THOC7: variants seen among roughly 807,000 people sequenced by gnomAD.
THOC7 encodes the protein NIF3L1-binding protein 1.
A neutral mutation model predicts 33.1 loss-of-function variants in THOC7; 22 were observed. That is an observed-to-expected ratio of 0.66 (90% CI 0.47 to 0.95). THOC7 has a LOEUF of 0.95. THOC7 is among the 40% of genes least tolerant of loss of function. THOC7 has a pLI of 0.00. For missense variants in THOC7, 184 were observed against 245.3 expected (o/e 0.75, Z 1.67); for synonymous variants, 77 against 76.8 (o/e 1.00, Z -0.01).
chr3:63,842,286 G>C (rs1301226433), intron 1 of THOC7, among the ~76,000 whole-genome samples: 3 of 152,088 alleles, frequency 2.0e-5, no homozygotes, highest in Admixed American at 6.6e-5. Flanking sequence ...CACTGAGAGA[G>C]GCTATTATCA....
At chr3:63,863,391 C>A (rs1400245321) in intron 1 of THOC7, 1 of 1,019,210 alleles carries the variant, frequency 9.8e-7, no homozygotes. Context: ...GGGTCCTCAC[C>A]GCGCCCCTAG....
At chr3:63,844,647 T>A (rs570712630) in intron 1 of THOC7, among the ~76,000 whole-genome samples, 5 of 152,302 alleles carry the variant, frequency 3.3e-5, no homozygotes, top group African/African-American at 9.6e-5. Flanking sequence ...AGGTTAGTAA[T>A]CTCGGAGTGA....
intron 1 of THOC7, among the ~76,000 whole-genome samples, chr3:63,853,021 C>T (rs765920951): frequency 3.9e-5 from 6 of 151,984 alleles, no homozygotes; most frequent in African/African-American, 9.7e-5. Context: ...CGTGGTGGCA[C>T]GCACCTGTAA....
At chr3:63,851,202 G>T (rs1414525575) in intron 1 of THOC7, among the ~76,000 whole-genome samples, 1 of 152,074 alleles carries the variant, frequency 6.6e-6, no homozygotes, top group Non-Finnish European at 1.5e-5. Context: ...AGCATCAAAT[G>T]GTATGTCTTT....
chr3:63,840,779 A>G (rs1279753103), intron 1 of THOC7, among the ~76,000 whole-genome samples: 1 of 152,208 alleles, frequency 6.6e-6, no homozygotes, highest in East Asian at 1.9e-4. Context: ...TCAGATTGGC[A>G]AAAGATCTGA....
intron 1 of THOC7, among the ~76,000 whole-genome samples, chr3:63,845,756 A>G (rs1701878742): frequency 6.6e-6 from 1 of 152,232 alleles, no homozygotes; most frequent in Admixed American, 6.5e-5. Flanking sequence ...AATATCCAAC[A>G]TAAAATGGTT....
chr3:63,862,575 T>C (rs1432440210), intron 1 of THOC7, among the ~76,000 whole-genome samples: 1 of 152,218 alleles, frequency 6.6e-6, no homozygotes, highest in African/African-American at 2.4e-5. Flanking sequence ...AAATTCCACA[T>C]GAAGTTCCTG....
intron 1 of THOC7, chr3:63,863,552 G>T: frequency 3.3e-6 from 4 of 1,196,248 alleles, no homozygotes; most frequent in Non-Finnish European, 4.1e-6. Context: ...AAAGCCGAGG[G>T]TCTCCGAGGG....
chr3:63,849,489 C>T (rs1306358279), intron 1 of THOC7, among the ~76,000 whole-genome samples: 2 of 152,166 alleles, frequency 1.3e-5, no homozygotes, highest in African/African-American at 4.8e-5. Flanking sequence ...GTACTAGATA[C>T]AGCAGGCAAA....
Position 63,844,949 on chromosome 3 carries a change from T to G in THOC7, c.20-5176A>C, listed in dbSNP as rs1347958703. 3 of 608,680 alleles carry G rather than the reference T, an allele frequency of 4.9e-6. No individual in the cohort carries two copies. In the African/African-American group the frequency reaches 5.5e-5, roughly 11 times the overall value. The allele number at this position is 608,680 out of a possible 1,614,324, so 37.7% of individuals were successfully genotyped here. ...TACCTGAAAATGTGGAAGCGGCAAG[T>G]GTTGCCCAAGTCTAGAATCATAAAT... On this transcript the variant is annotated intron_variant, in intron 1 of 7. Transcript: ENST00000295899.
chr3:63,858,772 T>C (rs1702156611), intron 1 of THOC7, among the ~76,000 whole-genome samples: 1 of 152,194 alleles, frequency 6.6e-6, no homozygotes, highest in Non-Finnish European at 1.5e-5. Context: ...GAAAATGGCT[T>C]TGTCACAAAC....
In THOC7 at chr3:63,834,126, G is replaced by T; in HGVS notation, c.*6C>A. On this transcript the variant is annotated 3_prime_UTR_variant, in exon 8 of 8. Coordinates refer to ENST00000295899, the MANE Select transcript of THOC7 (RefSeq NM_025075.4). The stretch of plus-strand genomic sequence containing the variant: ...TATTCCTGGGAGTGGTGGGCAATTA[G>T]CCTGTCTATGGCTTAGGATCTGTTT... The T allele has an allele frequency of 6.2e-7, 1 of 1,613,818 alleles. No homozygotes were observed. Among genetic ancestry groups the T allele is most frequent in the Non-Finnish European group, 8.5e-7 (1 of 1,179,880 alleles).
At chr3:63,839,318 A>G (rs1206710892) in intron 2 of THOC7, among the ~76,000 whole-genome samples, 3 of 152,228 alleles carry the variant, frequency 2.0e-5, no homozygotes, top group Non-Finnish European at 4.4e-5. Flanking sequence ...CCAACTTAAT[A>G]TATACATACA....
At chr3:63,853,008 G>A (rs1361441890) in intron 1 of THOC7, among the ~76,000 whole-genome samples, 1 of 152,044 alleles carries the variant, frequency 6.6e-6, no homozygotes, top group Admixed American at 6.6e-5. Context: ...AAAATTAGCT[G>A]GGCGTGGTGG....
intron 1 of THOC7, among the ~76,000 whole-genome samples, chr3:63,850,123 T>A (rs1049354286): frequency 2.0e-5 from 3 of 152,218 alleles, no homozygotes; most frequent in South Asian, 2.1e-4. Flanking sequence ...TTATGCCTAC[T>A]TCTTTCCCTT....
intron 1 of THOC7, among the ~76,000 whole-genome samples, chr3:63,843,949 GTATGTGTTACACACACAAA>G (rs1436976476): frequency 6.6e-6 from 1 of 151,868 alleles, no homozygotes; most frequent in African/African-American, 2.4e-5. Flanking sequence ...ATATATGTGT[GTATGTGTTACACACACAAA>G]TATGTGTTAC....
intron 1 of THOC7, chr3:63,863,419 C>T: frequency 9.2e-7 from 1 of 1,085,408 alleles, no homozygotes; most frequent in Non-Finnish European, 1.1e-6. Context: ...CGGACTCCCT[C>T]TGGTCCCACC....
chr3:63,845,121 T>A, intron 1 of THOC7: 1 of 678,922 alleles, frequency 1.5e-6, no homozygotes, highest in East Asian at 2.7e-5. Context: ...GGGGGTACTA[T>A]CTCCTTCATG....
chr3:63,842,636 G>A (rs1416125895), intron 1 of THOC7, among the ~76,000 whole-genome samples: 1 of 152,134 alleles, frequency 6.6e-6, no homozygotes, highest in Non-Finnish European at 1.5e-5. Flanking sequence ...CTTATAAGTG[G>A]GAGCTAAGCT....
Sources: allele counts gnomAD v4.1 joint callset (sites outside exome capture counted in the v4.1 genomes callset), GRCh38; gene constraint gnomAD v4.1.1; transcripts MANE v1.5; gene names NCBI Gene and HGNC (gene_info 2026-07-23, HGNC 2026-07-21).